The following EGR4 variants were observed in gnomAD, a reference collection of about 807,000 sequenced individuals.
The protein encoded by EGR4 is early growth response 4.
Under a neutral mutation model 25.4 loss-of-function variants are expected in EGR4, and 22 were observed. The ratio of observed to expected loss-of-function variants is 0.87; its 90% CI spans 0.62 to 1.24. The LOEUF is 1.24. Ranked by LOEUF, EGR4 falls within the 50% of genes most tolerant of loss-of-function variation. The pLI, the probability that EGR4 is intolerant of heterozygous loss-of-function variation, is 0.00. For synonymous variants in EGR4, 375 were observed against 320.1 expected (o/e 1.17, Z -1.83); for missense variants, 742 against 702.9 (o/e 1.06, Z -0.63).
In EGR4 at chr2:73,293,287, C is replaced by T. The variant is rs1313715483; in HGVS notation, c.31G>A (p.Asp11Asn). Reference sequence around the variant, plus strand: ...TCAGTGGACTTGACGAGGAGCGCGTCGGGTTCGGAAAACTCGCTAAGGTGG... The same window carrying T: ...TCAGTGGACTTGACGAGGAGCGCGTTGGGTTCGGAAAACTCGCTAAGGTGG... MLHLSEFSEPDALLVKSTEGC... is the reference protein window; with the variant it reads MLHLSEFSEPNALLVKSTEGC... The change falls in exon 1 of 2, where the codon GAC becomes AAC. Residue 11 changes from aspartate to asparagine, a missense_variant. By Grantham distance (23) the Asp-to-Asn change is conservative (BLOSUM62 1). Transcript: ENST00000436467. 3.1e-6 allele frequency: 5 copies of T among 1,590,002 alleles called. No individual in the cohort carries two copies. Among genetic ancestry groups the T allele is most frequent in the Non-Finnish European group, 4.3e-6 (5 of 1,170,618 alleles).
chr2:73,291,870 G>C lies in EGR4; in HGVS notation c.1048C>G (p.Pro350Ala). ...CGTCGCGCCTTGGCCTGGGGGAAAG[G>C]GGTGGGCGGCGGCGGCGGCACGGGT... is the stretch of plus-strand genomic sequence containing the variant. ...APPVPPPPPT[P>A]FPQAKARRKG... The change falls in exon 2 of 2, where the codon CCT becomes GCT. Residue 350 changes from proline (P) to alanine (A), a missense_variant. Coordinates refer to ENST00000436467, the MANE Select transcript of EGR4 (RefSeq NM_001965.4). 1 of 1,579,406 alleles carries C rather than the reference G, an allele frequency of 6.3e-7. No homozygotes were observed. Among genetic ancestry groups the C allele is most frequent in the Non-Finnish European group, 8.6e-7 (1 of 1,167,166 alleles).
rs1303739549 is a variant in EGR4 at position 73,292,420 on chromosome 2, A to G, written c.498T>C (p.Gly166=). The G allele has an allele frequency of 1.3e-6, 2 of 1,498,760 alleles. No homozygotes were observed. The highest frequency in any genetic ancestry group is 1.8e-6 in the Non-Finnish European group (2 of 1,125,370). The allele number at this position is 1,498,760 out of a possible 1,614,324, so 92.8% of individuals were successfully genotyped here. The change falls in exon 2 of 2, where the codon GGT becomes GGC. Residue 166 remains glycine (G), a synonymous_variant. Coordinates refer to ENST00000436467, the MANE Select transcript of EGR4 (RefSeq NM_001965.4). ...EAFWEASPCA[G]APSQCLYEPQ... ...GCTCATACAGGCACTGCGAGGGGGC[A>G]CCCGCGCAAGGCGAGGCCTCCCAGA...
rs1049868887 is a variant in EGR4, at chr2:73,292,068, G to C, written c.850C>G (p.Pro284Ala). The stretch of plus-strand genomic sequence containing the variant: ...CCACTAGGAGGGGTCAGGAGCCCAG[G>C]GAGGCCCTCAGCCCCCTCCCCTAAG... ...GDLGEGAEGL[P>A]GLLTPPSGEG... Residue 284 changes from proline to alanine, a missense_variant, in exon 2 of 2, where the codon CCT becomes GCT. Pro to Ala is a conservative substitution (Grantham distance 27). Transcript: ENST00000436467. The C allele has an allele frequency of 3.7e-6, 6 of 1,611,030 alleles. No individual in the cohort carries two copies. The African/African-American group carries it at 8.0e-5, about 22-fold the overall frequency.
At position 73,292,005 on chromosome 2, in the gene EGR4, C is replaced by A; in HGVS notation, c.913G>T (p.Ala305Ser). The A allele has an allele frequency of 6.2e-7, 1 of 1,601,184 alleles. No individual in the cohort carries two copies. Among genetic ancestry groups the A allele is most frequent in the Non-Finnish European group, 8.5e-7 (1 of 1,174,432 alleles). ...GSSGDGGEFLASTQPQLSPLG... is the reference protein window; with the variant it reads ...GSSGDGGEFLSSTQPQLSPLG... ...GGGGAAAGCTGAGGCTGCGTACTGG[C>A]CAGAAACTCTCCGCCGTCGCCGCTA... The change falls in exon 2 of 2, where the codon GCC becomes TCC. Residue 305 changes from alanine (A) to serine (S), a missense_variant. Ala to Ser is a moderately conservative substitution (Grantham distance 99). Coordinates refer to ENST00000436467, the MANE Select transcript of EGR4 (RefSeq NM_001965.4).
rs1011489459 is a variant in EGR4, at chr2:73,291,865, G to C, written c.1053C>G (p.Phe351Leu). The change falls in exon 2 of 2, where the codon TTC becomes TTG. Residue 351 changes from phenylalanine to leucine, a missense_variant. Transcript: ENST00000436467. ...PPVPPPPPTPFPQAKARRKGR... is the reference protein window; with the variant it reads ...PPVPPPPPTPLPQAKARRKGR... ...CCTTGCGTCGCGCCTTGGCCTGGGG[G>C]AAAGGGGTGGGCGGCGGCGGCGGCA... The C allele has an allele frequency of 2.5e-6, 4 of 1,580,074 alleles. No individual in the cohort carries two copies. The highest frequency in any genetic ancestry group is 3.6e-5 in the Admixed American group (2 of 55,908).
Position 73,293,475 on chromosome 2 carries a change from A to T in EGR4, c.-158T>A. The T allele has an allele frequency of 5.9e-6, 4 of 676,252 alleles. No individual in the cohort carries two copies. Among genetic ancestry groups the T allele is most frequent in the Non-Finnish European group, 9.3e-6 (4 of 429,532 alleles). The allele number at this position is 676,252 out of a possible 1,614,324, so 41.9% of individuals were successfully genotyped here. On this transcript the variant is annotated 5_prime_UTR_variant, in exon 1 of 2. Coordinates refer to ENST00000436467, the MANE Select transcript of EGR4 (RefSeq NM_001965.4). Reference sequence around the variant, plus strand: ...CTCACCTCTGGGAAAGGAGTCGGGGAGCCGCGGCGCCCTCGCTCGCCCGCA... The same window carrying T: ...CTCACCTCTGGGAAAGGAGTCGGGGTGCCGCGGCGCCCTCGCTCGCCCGCA...
Position 73,291,638 on chromosome 2 carries a change from G to A in EGR4, c.1280C>T (p.Thr427Met). The A allele has an allele frequency of 6.2e-7, 1 of 1,612,558 alleles. No individual in the cohort carries two copies. Among genetic ancestry groups the A allele is most frequent in the East Asian group, 2.2e-5 (1 of 44,852 alleles). The change falls in exon 2 of 2, where the codon ACG becomes ATG. Residue 427 changes from threonine (T) to methionine (M), a missense_variant. Coordinates refer to ENST00000436467, the MANE Select transcript of EGR4 (RefSeq NM_001965.4). ...RNFSRSDHLT[T>M]HVRTHTGEKP... ...CTCGCCGGTGTGGGTGCGCACGTGC[G>A]TGGTGAGGTGGTCGCTGCGGCTGAA...
Position 73,291,813 on chromosome 2 carries a change from G to A in EGR4, c.1105C>T (p.Arg369Cys). ...KGRRGGKCST[R>C]CFCPRPHAKA... ...GCGTGCGGCCGCGGGCAGAAGCAGCGCGTGCTGCATTTGCCGCCGCGGCGC... is the reference window on the plus strand; with the variant it reads ...GCGTGCGGCCGCGGGCAGAAGCAGCACGTGCTGCATTTGCCGCCGCGGCGC... The change falls in exon 2 of 2, where the codon CGC (arginine) becomes TGC (cysteine). Residue 369 changes from arginine (R) to cysteine (C), a missense_variant. Physicochemically the swap from Arg to Cys is radical, Grantham distance 180 (BLOSUM62 -3). Coordinates refer to ENST00000436467, the MANE Select transcript of EGR4 (RefSeq NM_001965.4). The A allele has an allele frequency of 1.3e-6, 2 of 1,593,078 alleles. No homozygotes were observed. The highest frequency in any genetic ancestry group is 4.5e-5 in the East Asian group (2 of 44,546).
In EGR4 at chr2:73,292,102, G is replaced by C. The variant is rs1689117796; in HGVS notation, c.816C>G (p.Ala272=). ...CAGCCCCCTCCCCTAAGTCACCCGG[G>C]GCCAGCGGGAAAGCGTCATAGGCCC... The part of the protein sequence containing the change: ...PSGAYDAFPL[A]PGDLGEGAEG... Residue 272 remains alanine, a synonymous_variant, in exon 2 of 2, where the codon GCC becomes GCG. Transcript: ENST00000436467. 7 of 1,607,228 alleles carry C rather than the reference G, an allele frequency of 4.4e-6. No individual in the cohort carries two copies. The highest frequency in any genetic ancestry group is 5.9e-6 in the Non-Finnish European group (7 of 1,177,138).
At chr2:73,292,808 G>C in intron 1 of EGR4, 27 bp from the exon 2 acceptor site, 1 of 1,414,940 alleles carries the variant, frequency 7.1e-7, no homozygotes, top group Non-Finnish European at 9.2e-7. Flanking sequence ...AATCAGCTCT[G>C]GGCACATCAA....
In EGR4 at chr2:73,293,195, G is replaced by A. The variant is rs1280275492; in HGVS notation, c.123C>T (p.Thr41=). ...RLPARDAPAA[T]GYPGAGDFLS... The stretch of plus-strand genomic sequence containing the variant: ...CGCCCTCCTTACCTCCAGGGTAGCC[G>A]GTGGCCGCGGGAGCGTCCCTGGCAG... Residue 41 remains threonine (T), a synonymous_variant, in exon 1 of 2, where the codon ACC becomes ACT. Transcript: ENST00000436467. 2 of 1,540,548 alleles carry A rather than the reference G, an allele frequency of 1.3e-6. No individual in the cohort carries two copies. The highest frequency in any genetic ancestry group is 2.8e-5 in the African/African-American group (2 of 71,908).
chr2:73,292,960 C>T (rs184111128), intron 1 of EGR4, among the ~76,000 whole-genome samples, 179 bp from the exon 2 acceptor site: 79 of 152,380 alleles, frequency 5.2e-4, no homozygotes, highest in Middle Eastern at 3.4e-3. Context: ...ACGCAAAACA[C>T]ACGTGCACAG....
Position 73,291,969 on chromosome 2 carries a change from G to T in EGR4, c.949C>A (p.Arg317Ser). 2 of 1,597,450 alleles carry T rather than the reference G, an allele frequency of 1.3e-6. No homozygotes were observed. The highest frequency in any genetic ancestry group is 1.7e-6 in the Non-Finnish European group (2 of 1,173,396). Residue 317 changes from arginine (R) to serine (S), a missense_variant, in exon 2 of 2, where the codon CGC (arginine) becomes AGC (serine). Transcript: ENST00000436467. ...GGGAAGTCCGCCGCGGCGGCGCTGC[G>T]AAGGCCCAGCGGGGAAAGCTGAGGC... ...TQPQLSPLGLRSAAAADFPKP... is the reference protein window; with the variant it reads ...TQPQLSPLGLSSAAAADFPKP...
At position 73,291,790 on chromosome 2, in the gene EGR4, G is replaced by A; in HGVS notation, c.1128C>T (p.His376=). The change falls in exon 2 of 2, where the codon CAC becomes CAT. Residue 376 remains histidine (H), a synonymous_variant. Transcript: ENST00000436467. ...CSTRCFCPRP[H]AKAFACPVES... Reference sequence around the variant, plus strand: ...CCACCGGGCAAGCGAAGGCCTTGGCGTGCGGCCGCGGGCAGAAGCAGCGCG... The same window carrying A: ...CCACCGGGCAAGCGAAGGCCTTGGCATGCGGCCGCGGGCAGAAGCAGCGCG... The A allele has an allele frequency of 1.3e-6, 2 of 1,597,410 alleles. No individual in the cohort carries two copies. Among genetic ancestry groups the A allele is most frequent in the South Asian group, 2.2e-5 (2 of 90,860 alleles).
rs372554686 is a variant in EGR4 at position 73,292,426 on chromosome 2, G to T, written c.492C>A (p.Cys164Ter). ...ACAGGCACTGCGAGGGGGCACCCGC[G>T]CAAGGCGAGGCCTCCCAGAACGCCT... ...FPEAFWEASP[C>*]AGAPSQCLYE... The change falls in exon 2 of 2, where the codon TGC becomes TGA. Residue 164 changes from cysteine to a stop codon, truncating the protein, a stop_gained. Transcript: ENST00000436467. LOFTEE classifies it high-confidence loss of function. The T allele has an allele frequency of 7.4e-6, 11 of 1,495,954 alleles. No homozygotes were observed. Among genetic ancestry groups the T allele is most frequent in the East Asian group, 2.3e-5 (1 of 42,972 alleles). 92.7% of individuals were successfully genotyped at this position (1,495,954 alleles called of 1,614,324 possible). A position where few individuals can be genotyped will look rare whatever the true frequency, so the allele number is the denominator to read the frequency against.
Position 73,291,270 on chromosome 2 carries a change from G to C in EGR4, c.*187C>G, listed in dbSNP as rs1202770876. ...ACAAGGGTGACAGCGCCTGGACCGC[G>C]GGAACTGTCCGCGGAGCTGGTGCTG... is the stretch of plus-strand genomic sequence containing the variant. On this transcript the variant is annotated 3_prime_UTR_variant, in exon 2 of 2. Coordinates refer to ENST00000436467, the MANE Select transcript of EGR4 (RefSeq NM_001965.4). 1 of 822,214 alleles carries C rather than the reference G, an allele frequency of 1.2e-6. No individual in the cohort carries two copies. The highest frequency in any genetic ancestry group is 1.8e-6 in the Non-Finnish European group (1 of 546,734). 50.9% of individuals were successfully genotyped at this position (822,214 alleles called of 1,614,324 possible). A position where few individuals can be genotyped will look rare whatever the true frequency, so the allele number is the denominator to read the frequency against.
chr2:73,293,285 G>T lies in EGR4; in HGVS notation c.33C>A (p.Asp11Glu), dbSNP rs140456361. The change falls in exon 1 of 2, where the codon GAC becomes GAA. Residue 11 changes from aspartate (D) to glutamate (E), a missense_variant. Physicochemically the swap from Asp to Glu is conservative, Grantham distance 45 (BLOSUM62 2). Transcript: ENST00000436467. The stretch of plus-strand genomic sequence containing the variant: ...CTTCAGTGGACTTGACGAGGAGCGC[G>T]TCGGGTTCGGAAAACTCGCTAAGGT... Reference protein sequence around the residue: MLHLSEFSEPDALLVKSTEGC... With the variant: MLHLSEFSEPEALLVKSTEGC... The T allele has an allele frequency of 6.3e-7, 1 of 1,589,934 alleles. No individual in the cohort carries two copies. The highest frequency in any genetic ancestry group is 8.5e-7 in the Non-Finnish European group (1 of 1,170,564).
Position 73,291,856 on chromosome 2 carries a change from G to A in EGR4, c.1062C>T (p.Ala354=), listed in dbSNP as rs932646152. 50 of 1,581,008 alleles carry A rather than the reference G, an allele frequency of 3.2e-5. No individual in the cohort carries two copies. The highest frequency in any genetic ancestry group is 8.1e-5 in the African/African-American group (6 of 74,228). The change falls in exon 2 of 2, where the codon GCC becomes GCT. Residue 354 remains alanine (A), a synonymous_variant. Coordinates refer to ENST00000436467, the MANE Select transcript of EGR4 (RefSeq NM_001965.4). ...PPPPPTPFPQ[A]KARRKGRRGG... The stretch of plus-strand genomic sequence containing the variant: ...CGCGGCGCCCCTTGCGTCGCGCCTT[G>A]GCCTGGGGGAAAGGGGTGGGCGGCG...
chr2:73,292,033 C>T lies in EGR4; in HGVS notation c.885G>A (p.Gly295=), dbSNP rs1689115286. The T allele has an allele frequency of 6.2e-7, 1 of 1,604,860 alleles. No homozygotes were observed. The highest frequency in any genetic ancestry group is 1.7e-5 in the Admixed American group (1 of 59,080). ...GAAACTCTCCGCCGTCGCCGCTACT[C>T]CCTCCCTCCCCACTAGGAGGGGTCA... ...GLLTPPSGEG[G]SSGDGGEFLA... Residue 295 remains glycine (G), a synonymous_variant, in exon 2 of 2, where the codon GGG becomes GGA. Coordinates refer to ENST00000436467, the MANE Select transcript of EGR4 (RefSeq NM_001965.4).
Sources: gnomAD v4.1 joint callset for allele counts (sites outside exome capture counted in the v4.1 genomes callset) on GRCh38, gnomAD v4.1.1 for gene constraint, MANE v1.5 for transcripts, NCBI Gene and HGNC (gene_info 2026-07-23, HGNC 2026-07-21) for gene names.